The following SIRPG variants were observed in gnomAD, a reference collection of about 807,000 sequenced individuals.
SIRPG encodes the protein signal regulatory protein gamma.
Under a neutral mutation model 35.7 loss-of-function variants are expected in SIRPG, and 38 were observed. The ratio of observed to expected loss-of-function variants is 1.06; its 90% confidence interval spans 0.82 to 1.40. The LOEUF is 1.40. Among genes scored for constraint, SIRPG ranks in the 40% most tolerant of loss-of-function variants. The pLI is 0.00. For missense variants in SIRPG, 519 were observed against 483.0 expected (o/e 1.07, Z -0.70); for synonymous variants, 215 against 190.4 (o/e 1.13, Z -1.06).
intron 5 of SIRPG, 38 bp downstream of exon 5, chr20:1,630,184 A>G (rs749914731): frequency 1.0e-5 from 15 of 1,478,158 alleles, no homozygotes; most frequent in Non-Finnish European, 1.0e-5. Flanking sequence ...TGCCCTTCTG[A>G]GACAGCCCTT....
chr20:1,673,017 C>A, the SIRPG span, among the ~76,000 whole-genome samples: 1 of 152,174 alleles, frequency 6.6e-6, no homozygotes, highest in Non-Finnish European at 1.5e-5. Context: ...AGTTTCTTTC[C>A]ATAGAGAGGT....
rs549574826 is a variant in SIRPG at position 1,639,120 on chromosome 20, C to T, written c.431-2615G>A. ...CCTCATAGTAGAATGATTTATATTC[C>T]TTTGGTTACATACCCAGTAATGGGA... On this transcript the variant is annotated intron_variant, in intron 2 of 5. Coordinates refer to ENST00000303415, the MANE Select transcript of SIRPG (RefSeq NM_018556.4). Among the ~76,000 whole-genome samples, 16 of 152,080 alleles carry T rather than the reference C, an allele frequency of 1.1e-4. No homozygotes were observed. In the South Asian group the frequency reaches 1.7e-3, roughly 16 times the overall value.
the SIRPG span, among the ~76,000 whole-genome samples, chr20:1,667,482 A>C: frequency 6.6e-6 from 1 of 152,230 alleles, no homozygotes; most frequent in Non-Finnish European, 1.5e-5. Context: ...TGCAGCATAG[A>C]GTAATTTATT....
intron 4 of SIRPG, among the ~76,000 whole-genome samples, chr20:1,631,837 AG>A (rs1205336887): frequency 2.0e-5 from 3 of 152,218 alleles, no homozygotes; most frequent in Non-Finnish European, 4.4e-5. Flanking sequence ...GGTAGTTATA[AG>A]GACTAACTTG....
intron 2 of SIRPG, among the ~76,000 whole-genome samples, chr20:1,641,603 C>T (rs2091852644): frequency 6.6e-6 from 1 of 152,060 alleles, no homozygotes; most frequent in Non-Finnish European, 1.5e-5. Flanking sequence ...TTATCTCCTT[C>T]AGTTCGTTTC....
chr20:1,643,226 C>T (rs981881471), intron 2 of SIRPG, among the ~76,000 whole-genome samples: 25 of 152,166 alleles, frequency 1.6e-4, no homozygotes, highest in African/African-American at 6.0e-4. Flanking sequence ...TAGCTGTGAT[C>T]TTTTTACATA....
Position 1,636,232 on chromosome 20 carries a change from C to T in SIRPG, c.704G>A (p.Gly235Glu). The T allele has an allele frequency of 6.2e-7, 1 of 1,614,190 alleles. No individual in the cohort carries two copies. The highest frequency in any genetic ancestry group is 8.5e-7 in the Non-Finnish European group (1 of 1,180,030). Residue 235 changes from glycine to glutamate, a missense_variant, in exon 3 of 6, where the codon GGG (glycine) becomes GAG (glutamate). Transcript: ENST00000303415. ...ICEVAHVTLQGDPLRGTANLS... is the reference protein window; with the variant it reads ...ICEVAHVTLQEDPLRGTANLS... ...GTTGGCAGTCCCACGAAGAGGGTCC[C>T]CCTGCAAGGTGACATGGGCCACCTC...
At chr20:1,652,378 G>A (rs536299484) in intron 1 of SIRPG, among the ~76,000 whole-genome samples, 1 of 152,164 alleles carries the variant, frequency 6.6e-6, no homozygotes. Flanking sequence ...AAATTTGTCA[G>A]GTGCAGCTGC....
At chr20:1,675,499 A>G in the SIRPG span, among the ~76,000 whole-genome samples, 1 of 152,206 alleles carries the variant, frequency 6.6e-6, no homozygotes, top group Non-Finnish European at 1.5e-5. Context: ...GCAAGAGTTT[A>G]GAATGAGGTT....
At position 1,657,705 on chromosome 20, in the gene SIRPG, G is replaced by C; in HGVS notation, c.10C>G (p.Pro4Ala). 6.2e-7 allele frequency: 1 copy of C among 1,614,162 alleles called. No homozygotes were observed. The highest frequency in any genetic ancestry group is 2.2e-5 in the East Asian group (1 of 44,888). Reference sequence around the variant, plus strand: ...CCAGGAGGATGGGGCCAGGAGGCTGGGACAGGCATTTTGGAGACCTCAGAA... The same window carrying C: ...CCAGGAGGATGGGGCCAGGAGGCTGCGACAGGCATTTTGGAGACCTCAGAA... MPV[P>A]ASWPHPPGPF... The change falls in exon 1 of 6, where the codon CCA becomes GCA. Residue 4 changes from proline to alanine, a missense_variant. Coordinates refer to ENST00000303415, the MANE Select transcript of SIRPG (RefSeq NM_018556.4).
intron 2 of SIRPG, among the ~76,000 whole-genome samples, chr20:1,640,937 C>A (rs773422676): frequency 1.3e-5 from 2 of 152,162 alleles, no homozygotes; most frequent in Non-Finnish European, 2.9e-5. Flanking sequence ...GTTGAACAAG[C>A]CTTGCATGCC....
At chr20:1,679,640 T>C in the SIRPG span, among the ~76,000 whole-genome samples, 1 of 152,186 alleles carries the variant, frequency 6.6e-6, no homozygotes, top group Non-Finnish European at 1.5e-5. Flanking sequence ...ATTGTTCATC[T>C]TCATATGTCT....
At chr20:1,643,354 T>C (rs1568730947) in intron 2 of SIRPG, among the ~76,000 whole-genome samples, 2 of 152,046 alleles carry the variant, frequency 1.3e-5, no homozygotes, top group Non-Finnish European at 2.9e-5. Context: ...TTCTGTTTGG[T>C]TGATTCCACT....
At chr20:1,631,640 C>G (rs1388429039) in intron 4 of SIRPG, among the ~76,000 whole-genome samples, 1 of 152,150 alleles carries the variant, frequency 6.6e-6, no homozygotes, top group African/African-American at 2.4e-5. Flanking sequence ...AAAGCTTACT[C>G]TAAAATATAA....
the SIRPG span, among the ~76,000 whole-genome samples, chr20:1,684,023 G>A: frequency 6.6e-6 from 1 of 151,968 alleles, no homozygotes; most frequent in Admixed American, 6.6e-5. Context: ...GCAGGGGAGG[G>A]GGTGTAGTTG....
At chr20:1,675,351 C>T in the SIRPG span, among the ~76,000 whole-genome samples, 3 of 152,152 alleles carry the variant, frequency 2.0e-5, no homozygotes, top group Non-Finnish European at 2.9e-5. Context: ...GAGACCTGTC[C>T]TTTAGGAACA....
the SIRPG span, among the ~76,000 whole-genome samples, chr20:1,674,190 T>A: frequency 6.6e-6 from 1 of 151,730 alleles, no homozygotes; most frequent in African/African-American, 2.4e-5. Context: ...CATTTTTTTT[T>A]AGGAGGGAGC....
chr20:1,670,935 G>C, the SIRPG span: 1 of 341,270 alleles, frequency 2.9e-6, no homozygotes, highest in Non-Finnish European at 5.9e-6. Context: ...CCTGTAAAGT[G>C]ATGTGGGCCA....
chr20:1,668,206 T>TCTTTCTTC, the SIRPG span, among the ~76,000 whole-genome samples: 90 of 40,438 alleles, frequency 2.2e-3, no homozygotes, highest in African/African-American at 5.6e-3. Flanking sequence ...TTCTTTTCTT[T>TCTTTCTTC]CTTTCTTTCT....
Sources: gnomAD v4.1 joint callset for allele counts (sites outside exome capture counted in the v4.1 genomes callset) on GRCh38, gnomAD v4.1.1 for gene constraint, MANE v1.5 for transcripts, NCBI Gene and HGNC (gene_info 2026-07-23, HGNC 2026-07-21) for gene names.